Variants in DNAH10 observed in about 807,000 individuals in gnomAD.
DNAH10 encodes dynein axonemal heavy chain 10, also known as axonemal beta dynein heavy chain 10.
Under a neutral mutation model 506.6 loss-of-function variants are expected in DNAH10, and 348 were observed. The ratio of observed to expected loss-of-function variants is 0.69; its 90% CI spans 0.63 to 0.75. DNAH10 has a LOEUF of 0.75. Ranked by LOEUF, DNAH10 falls within the 30% of genes least tolerant of loss-of-function variation. The pLI is 0.00. For missense variants in DNAH10, 5,179 were observed against 5,787.1 expected (o/e 0.89, Z 3.41); for synonymous variants, 2,059 against 2,198.6 (o/e 0.94, Z 1.78).
rs746060990 is a variant in DNAH10 at position 123,877,889 on chromosome 12, G to T, written c.8353G>T (p.Val2785Phe). 2 of 1,613,948 alleles carry T rather than the reference G, an allele frequency of 1.2e-6. No homozygotes were observed. The highest frequency in any genetic ancestry group is 1.1e-5 in the South Asian group (1 of 91,054). ...RDLSRVFNGLVLTNPERFQTV... is the reference protein window; with the variant it reads ...RDLSRVFNGLFLTNPERFQTV... ...TCTCTCACGGGTTTTTAATGGTCTT[G>T]TCCTCACTAACCCGGAGCGGTGAGT... Residue 2785 changes from valine to phenylalanine, a missense_variant, in exon 48 of 79, where the codon GTC (valine) becomes TTC (phenylalanine). Transcript: ENST00000673944.
At chr12:123,905,443 C>T (rs571623426) in intron 57 of DNAH10, among the ~76,000 whole-genome samples, 132 of 152,302 alleles carry the variant, frequency 8.7e-4, no homozygotes, top group African/African-American at 1.7e-3. Context: ...ATAGCTGTTG[C>T]CTAATCCCCG....
chr12:123,848,935 G>C, intron 34 of DNAH10, 53 bp downstream of exon 34: 1 of 1,593,804 alleles, frequency 6.3e-7, no homozygotes, highest in Non-Finnish European at 8.6e-7. Context: ...AGTTTGCCAA[G>C]TATGGTAAGC....
Position 123,916,645 on chromosome 12 carries a change from T to G in DNAH10, c.10911T>G (p.Asp3637Glu). Reference protein sequence around the residue: ...IILGDKEVDYDSNFRLYLNTK... With the variant: ...IILGDKEVDYESNFRLYLNTK... ...TGGGAGACAAGGAAGTGGACTATGA[T>G]TCAAATTTCAGACTGTACCTGAACA... The change falls in exon 63 of 79, where the codon GAT (aspartate) becomes GAG (glutamate). Residue 3637 changes from aspartate to glutamate, a missense_variant. Asp to Glu is a conservative substitution (Grantham distance 45, BLOSUM62 2). Transcript: ENST00000673944. This position sits in a 1 kb window ranked among gnomAD's most constrained non-coding sequence, Gnocchi z 4.6. The G allele has an allele frequency of 2.5e-6, 4 of 1,613,904 alleles. No homozygotes were observed. The highest frequency in any genetic ancestry group is 3.4e-6 in the Non-Finnish European group (4 of 1,179,870).
At chr12:123,888,185 G>A (rs1952823328) in intron 52 of DNAH10, among the ~76,000 whole-genome samples, 1 of 152,044 alleles carries the variant, frequency 6.6e-6, no homozygotes, top group African/African-American at 2.4e-5. Context: ...TCCAGCCTGG[G>A]CAACAGAGTG....
Position 123,851,067 on chromosome 12 carries a change from G to A in DNAH10, c.6282G>A (p.Leu2094=), listed in dbSNP as rs1951141480. 2 of 1,601,882 alleles carry A rather than the reference G, an allele frequency of 1.2e-6. No individual in the cohort carries two copies. Among genetic ancestry groups the A allele is most frequent in the Non-Finnish European group, 1.7e-6 (2 of 1,171,768 alleles). The change falls in exon 35 of 79, where the codon CTG becomes CTA. Residue 2094 remains leucine, a synonymous_variant. Transcript: ENST00000673944. ...CEIMLFSEGF[L]EAKTLAKKMT... ...TCATGCTCTTCTCTGAGGGCTTCCT[G>A]GAGGCCAAGGTGGGGGGCCTTGGCA...
chr12:123,830,779 CT>C, intron 26 of DNAH10, 80 bp downstream of exon 26: 1 of 1,158,902 alleles, frequency 8.6e-7, no homozygotes, highest in Non-Finnish European at 1.2e-6. Flanking sequence ...CTCATCTATA[CT>C]AAAAAAAAAA....
At chr12:123,768,362 C>T (rs1308311979) in intron 2 of DNAH10, among the ~76,000 whole-genome samples, 2 of 151,814 alleles carry the variant, frequency 1.3e-5, no homozygotes, top group South Asian at 2.1e-4. Context: ...CTTGAACTCC[C>T]GTCCTCAGGT....
Position 123,929,710 on chromosome 12 carries a change from A to G in DNAH10, c.12563A>G (p.Gln4188Arg), listed in dbSNP as rs759240101. Residue 4188 changes from glutamine (Q) to arginine (R), a missense_variant, in exon 72 of 79, where the codon CAA becomes CGA. Physicochemically the swap from Gln to Arg is conservative, Grantham distance 43. Around this residue, in one of 3 missense-constraint regions of DNAH10, gnomAD observed 4,844 missense variants for 5,430.5 expected, o/e 0.89. Coordinates refer to ENST00000673944, the MANE Select transcript of DNAH10 (RefSeq NM_001372106.1). ...LNTYLTKAFQ[Q>R]RDPRIPWGSL... ...ACGTACTTAACGAAAGCCTTCCAGC[A>G]ACGGGACCCAAGGATCCCGTGGGGC... 1 of 1,613,690 alleles carries G rather than the reference A, an allele frequency of 6.2e-7. No homozygotes were observed. The highest frequency in any genetic ancestry group is 8.5e-7 in the Non-Finnish European group (1 of 1,179,790).
At position 123,841,563 on chromosome 12, in the gene DNAH10, G is replaced by A. The variant is rs1339261786; in HGVS notation, c.5360+18G>A. The A allele has an allele frequency of 1.9e-6, 3 of 1,604,634 alleles. No homozygotes were observed. In the South Asian group the frequency reaches 3.3e-5, roughly 18 times the overall value. On this transcript the variant is annotated intron_variant, in intron 30 of 78. Transcript: ENST00000673944. ...AGAAGCAGGTAAGGCTGCGAATGTG[G>A]ACATGCATTGCTCTATCCAATTCAT...
chr12:123,823,346 C>T (rs114765685), intron 24 of DNAH10, among the ~76,000 whole-genome samples: 2 of 152,110 alleles, frequency 1.3e-5, no homozygotes, highest in East Asian at 3.9e-4. Flanking sequence ...GAAGGGACTC[C>T]GGAGGCAGCC....
intron 37 of DNAH10, among the ~76,000 whole-genome samples, chr12:123,857,553 C>T (rs1049220341): frequency 2.6e-5 from 4 of 152,088 alleles, no homozygotes; most frequent in Non-Finnish European, 4.4e-5. Context: ...CGTGGAGAAA[C>T]CCCATCTCTA....
Position 123,934,744 on chromosome 12 carries a change from A to G in DNAH10, c.13601A>G (p.Glu4534Gly), listed in dbSNP as rs1289741526. ...CCGATCCTGAAGATCATCCCCATTG[A>G]AGCCCATCGCCTCAAGCTGCAGGTG... ...DLPILKIIPI[E>G]AHRLKLQNTF... is the part of the protein sequence containing the mutation. The change falls in exon 78 of 79, where the codon GAA becomes GGA. Residue 4534 changes from glutamate to glycine, a missense_variant. By Grantham distance (98) the Glu-to-Gly change is moderately conservative. Coordinates refer to ENST00000673944, the MANE Select transcript of DNAH10 (RefSeq NM_001372106.1). 2 of 1,613,836 alleles carry G rather than the reference A, an allele frequency of 1.2e-6. No homozygotes were observed. The highest frequency in any genetic ancestry group is 1.7e-6 in the Non-Finnish European group (2 of 1,179,874).
chr12:123,900,559 A>G (rs1465742328), intron 56 of DNAH10, among the ~76,000 whole-genome samples: 2 of 152,162 alleles, frequency 1.3e-5, no homozygotes, highest in Admixed American at 6.5e-5. Flanking sequence ...CCCCATTGCC[A>G]TCATCCTTGT....
chr12:123,814,901 G>A (rs1455955609), intron 21 of DNAH10, among the ~76,000 whole-genome samples: 1 of 152,202 alleles, frequency 6.6e-6, no homozygotes, highest in Non-Finnish European at 1.5e-5. Context: ...ACAGGCATGA[G>A]CCACCGCGCC....
intron 6 of DNAH10, 59 bp downstream of exon 6, chr12:123,781,358 T>C: frequency 6.8e-7 from 1 of 1,477,304 alleles, no homozygotes; most frequent in Non-Finnish European, 9.3e-7. Flanking sequence ...TAGTTGGGAT[T>C]ACAGGTGCAT....
At position 123,785,783 on chromosome 12, in the gene DNAH10, A is replaced by G. The variant is rs1323180810; in HGVS notation, c.1268A>G (p.Asp423Gly). 1.9e-6 allele frequency: 3 copies of G among 1,613,896 alleles called. No homozygotes were observed. Among genetic ancestry groups the G allele is most frequent in the Non-Finnish European group, 8.5e-7 (1 of 1,179,886 alleles). Reference sequence around the variant, plus strand: ...GGGTCTGGCTTCCACGTGGTCCTGGACACCATCCCCGCCATGATGAGTGCC... The same window carrying G: ...GGGTCTGGCTTCCACGTGGTCCTGGGCACCATCCCCGCCATGATGAGTGCC... ...THGSGFHVVLDTIPAMMSALR... is the reference protein window; with the variant it reads ...THGSGFHVVLGTIPAMMSALR... The change falls in exon 9 of 79, where the codon GAC (aspartate) becomes GGC (glycine). Residue 423 changes from aspartate (D) to glycine (G), a missense_variant. Physicochemically the swap from Asp to Gly is moderately conservative, Grantham distance 94. Coordinates refer to ENST00000673944, the MANE Select transcript of DNAH10 (RefSeq NM_001372106.1). This position sits in a 1 kb window ranked among gnomAD's most constrained non-coding sequence, Gnocchi z 4.1.
intron 48 of DNAH10, 124 bp downstream of exon 48, chr12:123,878,032 T>C (rs990693042): frequency 7.8e-6 from 10 of 1,288,652 alleles, no homozygotes; most frequent in Admixed American, 4.6e-5. Context: ...CCAATGTCTT[T>C]GCTTATGTTG....
intron 46 of DNAH10, among the ~76,000 whole-genome samples, chr12:123,874,362 T>C (rs1157406870): frequency 1.3e-5 from 2 of 151,448 alleles, no homozygotes; most frequent in African/African-American, 2.4e-5. Context: ...CATGTGTCTG[T>C]TTTTTTCATC....
chr12:123,913,316 GT>G lies in DNAH10; in HGVS notation c.10352+3del, dbSNP rs775283551. 2 of 1,586,330 alleles carry G rather than the reference GT, an allele frequency of 1.3e-6. No individual in the cohort carries two copies. Among genetic ancestry groups the G allele is most frequent in the Non-Finnish European group, 1.7e-6 (2 of 1,166,410 alleles). On this transcript the variant is annotated splice_donor_variant, in intron 60 of 78. Coordinates refer to ENST00000673944, the MANE Select transcript of DNAH10 (RefSeq NM_001372106.1). LOFTEE classifies it high-confidence loss of function. The surrounding 1 kb of genome is among the most constrained non-coding windows in gnomAD (Gnocchi z 5.1). ...CGGGTCTGGGGTCAGAAAACATCAG[GT>G]TAGCGCTGCTCACGAGCCCACCTGT...
Sources: allele counts gnomAD v4.1 joint callset (sites outside exome capture counted in the v4.1 genomes callset), GRCh38; gene constraint gnomAD v4.1.1; regional missense constraint gnomAD v4.1.1; non-coding constraint Gnocchi (gnomAD v3.1); transcripts MANE v1.5; gene names NCBI Gene and HGNC (gene_info 2026-07-23, HGNC 2026-07-21).